The following SLC1A2 variants were observed in gnomAD, a reference collection of about 807,000 sequenced individuals.
SLC1A2 encodes the protein solute carrier family 1 member 2.
A neutral mutation model predicts 48.8 loss-of-function variants in SLC1A2; 15 were observed. The observed-to-expected ratio is 0.31, with a 90% CI of 0.21 to 0.47. The LOEUF (loss-of-function observed/expected upper bound fraction) is 0.47. Ranked by LOEUF, SLC1A2 falls within the 20% of genes least tolerant of loss-of-function variation. SLC1A2 has a pLI of 0.99. For missense variants in SLC1A2, 502 were observed against 730.5 expected, an observed-to-expected ratio of 0.69 and a Z score of 3.61; for synonymous variants, 279 against 272.6, an observed-to-expected ratio of 1.02 and a Z score of -0.23.
chr11:35,389,547 T>G (rs1854696452), intron 1 of SLC1A2, among the ~76,000 whole-genome samples: 1 of 152,124 alleles, frequency 6.6e-6, no homozygotes, highest in Admixed American at 6.5e-5. Context: ...CGTGGCTCAC[T>G]GCAACCTCTG....
At chr11:35,334,856 TTTGTTTTG>T (rs1852567715) in intron 1 of SLC1A2, among the ~76,000 whole-genome samples, 2 of 119,444 alleles carry the variant, frequency 1.7e-5, no homozygotes, top group African/African-American at 1.0e-4. Flanking sequence ...TTTGTTTTGT[TTTGTTTTG>T]TTTTGTTTTG....
At chr11:35,386,744 A>G (rs892290168) in intron 1 of SLC1A2, among the ~76,000 whole-genome samples, 8 of 152,232 alleles carry the variant, frequency 5.3e-5, no homozygotes, top group Admixed American at 5.2e-4. Context: ...GTTCCTATGC[A>G]TTTATCCTCA....
intron 1 of SLC1A2, among the ~76,000 whole-genome samples, chr11:35,389,913 A>T (rs1457463719): frequency 6.6e-6 from 1 of 152,140 alleles, no homozygotes; most frequent in Non-Finnish European, 1.5e-5. Flanking sequence ...GGCCCAGCCA[A>T]GGTTTTGGGG....
intron 1 of SLC1A2, among the ~76,000 whole-genome samples, chr11:35,336,383 C>A (rs537384691): frequency 6.6e-6 from 1 of 152,000 alleles, no homozygotes; most frequent in African/African-American, 2.4e-5. Flanking sequence ...TATCTAGAAC[C>A]CTTTGAAGGT....
At chr11:35,317,147 A>T in intron 2 of SLC1A2, 1 of 507,412 alleles carries the variant, frequency 2.0e-6, no homozygotes, top group Non-Finnish European at 3.5e-6. Flanking sequence ...CACTCTCACA[A>T]GATATTTATT....
At chr11:35,414,755 T>C (rs1404335292) in intron 1 of SLC1A2, among the ~76,000 whole-genome samples, 2 of 152,230 alleles carry the variant, frequency 1.3e-5, no homozygotes, top group Non-Finnish European at 2.9e-5. Flanking sequence ...AAACTAAAAT[T>C]TTATCTTCAG....
chr11:35,403,977 G>T (rs796114643), intron 1 of SLC1A2, among the ~76,000 whole-genome samples: 2 of 46,600 alleles, frequency 4.3e-5, no homozygotes, highest in African/African-American at 1.2e-4. Context: ...ATATGGACAC[G>T]TGGATCAGTC....
chr11:35,280,993 G>T lies in SLC1A2; in HGVS notation c.1295C>A (p.Ala432Asp). 1 of 1,608,166 alleles carries T rather than the reference G, an allele frequency of 6.2e-7. No homozygotes were observed. The highest frequency in any genetic ancestry group is 2.3e-5 in the East Asian group (1 of 44,332). ...GGQIVTVSLTATLASVGAASI... is the reference protein window; with the variant it reads ...GGQIVTVSLTDTLASVGAASI... ...GGCCGCGCCGACGCTTGCCAGGGTG[G>T]CTGTGAGGCTATGAGAACAGAGAAG... Residue 432 changes from alanine (A) to aspartate (D), a missense_variant, in exon 9 of 11, where the codon GCC becomes GAC. Coordinates refer to ENST00000278379, the MANE Select transcript of SLC1A2 (RefSeq NM_004171.4).
At chr11:35,415,097 C>T (rs1041177975) in intron 1 of SLC1A2, among the ~76,000 whole-genome samples, 1 of 152,192 alleles carries the variant, frequency 6.6e-6, no homozygotes, top group South Asian at 2.1e-4. Context: ...ACCCAGAAAT[C>T]TCACACTTAG....
intron 1 of SLC1A2, among the ~76,000 whole-genome samples, chr11:35,344,254 CT>C (rs1852948775): frequency 6.6e-6 from 1 of 152,142 alleles, no homozygotes; most frequent in Non-Finnish European, 1.5e-5. Context: ...GGAATAAGCA[CT>C]GTAAAGAACA....
chr11:35,260,830 A>T lies in SLC1A2; in HGVS notation c.*64T>A. 1 of 1,135,344 alleles carries T rather than the reference A, an allele frequency of 8.8e-7. No homozygotes were observed. Among genetic ancestry groups the T allele is most frequent in the Non-Finnish European group, 1.3e-6 (1 of 747,946 alleles). The allele number at this position is 1,135,344 out of a possible 1,614,324, so 70.3% of individuals were successfully genotyped here. On this transcript the variant is annotated 3_prime_UTR_variant, in exon 11 of 11. Transcript: ENST00000278379. The stretch of plus-strand genomic sequence containing the variant: ...TTTCCTTTTTAAAGAAAGCTTGTTT[A>T]TATCATCAGTTACCATAGGATACGC...
chr11:35,261,680 TCTGTC>T, intron 10 of SLC1A2: 1 of 398,630 alleles, frequency 2.5e-6, no homozygotes, highest in South Asian at 1.3e-4. Context: ...CTTCTGTCTG[TCTGTC>T]CTCAACGTCA....
intron 1 of SLC1A2, among the ~76,000 whole-genome samples, chr11:35,388,647 G>A (rs921260759): frequency 1.3e-4 from 20 of 152,070 alleles, no homozygotes; most frequent in African/African-American, 3.9e-4. Flanking sequence ...CTCCCGCCTC[G>A]GCCTCCCAAA....
At chr11:35,392,105 G>C (rs1165015222) in intron 1 of SLC1A2, among the ~76,000 whole-genome samples, 6 of 152,154 alleles carry the variant, frequency 3.9e-5, no homozygotes, top group Non-Finnish European at 7.3e-5. Context: ...CCCATTCCAT[G>C]TGTTTGTGCA....
intron 1 of SLC1A2, among the ~76,000 whole-genome samples, chr11:35,417,147 T>C (rs1855634767): frequency 6.6e-6 from 1 of 152,222 alleles, no homozygotes; most frequent in Non-Finnish European, 1.5e-5. Context: ...TAAATATAAG[T>C]TCCTCTGATG....
At chr11:35,288,043 C>T (rs1447068259) in intron 7 of SLC1A2, among the ~76,000 whole-genome samples, 1 of 152,090 alleles carries the variant, frequency 6.6e-6, no homozygotes, top group African/African-American at 2.4e-5. Context: ...AATTAGTGAC[C>T]AAACTGGACA....
At chr11:35,407,732 C>T (rs960685255) in intron 1 of SLC1A2, among the ~76,000 whole-genome samples, 10 of 152,170 alleles carry the variant, frequency 6.6e-5, no homozygotes, top group East Asian at 1.9e-4. Context: ...GCAGCACTGT[C>T]GGCCACTTCA....
intron 9 of SLC1A2, 131 bp downstream of exon 9, chr11:35,280,735 CG>C: frequency 1.7e-6 from 1 of 584,754 alleles, no homozygotes; most frequent in Non-Finnish European, 3.0e-6. Context: ...TAAATGTGAG[CG>C]GGAAGGAGGA....
chr11:35,272,440 C>A (rs1850305649), intron 9 of SLC1A2, among the ~76,000 whole-genome samples: 1 of 152,112 alleles, frequency 6.6e-6, no homozygotes, highest in African/African-American at 2.4e-5. Flanking sequence ...CCCAGGATGC[C>A]CAGCCAGGAG....
Sources: gnomAD v4.1 joint callset for allele counts (sites outside exome capture counted in the v4.1 genomes callset) on GRCh38, gnomAD v4.1.1 for gene constraint, MANE v1.5 for transcripts, NCBI Gene and HGNC (gene_info 2026-07-23, HGNC 2026-07-21) for gene names.